Variants in UGT1A10 observed in about 807,000 individuals in gnomAD.
The protein encoded by UGT1A10 is UDP glucuronosyltransferase family 1 member A10.
UGT1A10 carries 49 observed loss-of-function variants against 45.8 expected under a neutral mutation model. The observed-to-expected ratio is 1.07, with a 90% CI of 0.85 to 1.36. The LOEUF is 1.36. Ranked by LOEUF, UGT1A10 falls within the 40% of genes most tolerant of loss-of-function variation. The pLI, the probability that UGT1A10 is intolerant of heterozygous loss-of-function variation, is 0.00. For missense variants in UGT1A10, 745 were observed against 668.6 expected, an observed-to-expected ratio of 1.11 and a Z score of -1.26; for synonymous variants, 284 against 249.7, an observed-to-expected ratio of 1.14 and a Z score of -1.29.
chr2:233,641,559 T>A (rs1201445364), intron 1 of UGT1A10, among the ~76,000 whole-genome samples: 3 of 152,240 alleles, frequency 2.0e-5, no homozygotes, highest in Non-Finnish European at 4.4e-5. Flanking sequence ...GTTACAATGT[T>A]ATAATATTCT....
intron 1 of UGT1A10, among the ~76,000 whole-genome samples, chr2:233,687,844 G>C (rs925197846): frequency 2.0e-5 from 3 of 152,152 alleles, no homozygotes; most frequent in Admixed American, 6.5e-5. Context: ...GGAGGTTAAG[G>C]CTGCAGTAAG....
intron 1 of UGT1A10, among the ~76,000 whole-genome samples, chr2:233,749,509 A>G (rs912225239): frequency 2.6e-5 from 4 of 151,940 alleles, no homozygotes; most frequent in African/African-American, 7.3e-5. Context: ...GAATTAGAGA[A>G]CACTAGCAAG....
At chr2:233,711,329 A>G (rs1022297235) in intron 1 of UGT1A10, among the ~76,000 whole-genome samples, 2 of 152,214 alleles carry the variant, frequency 1.3e-5, no homozygotes, top group African/African-American at 4.8e-5. Context: ...ACAAAACACC[A>G]CTGCATGGAG....
chr2:233,733,189 C>T (rs2078364598), intron 1 of UGT1A10, among the ~76,000 whole-genome samples: 1 of 152,198 alleles, frequency 6.6e-6, no homozygotes, highest in African/African-American at 2.4e-5. Context: ...AGTTGCTTAT[C>T]AGCTTAAGGA....
intron 1 of UGT1A10, chr2:233,719,818 A>G: frequency 6.3e-7 from 1 of 1,577,544 alleles, no homozygotes; most frequent in Non-Finnish European, 8.6e-7. Flanking sequence ...ATAACAGATA[A>G]ACTGTTGAGG....
chr2:233,647,054 C>T (rs2073624214), intron 1 of UGT1A10, among the ~76,000 whole-genome samples: 1 of 152,174 alleles, frequency 6.6e-6, no homozygotes, highest in African/African-American at 2.4e-5. Context: ...TCACATCCTC[C>T]ATGGATGGCA....
At chr2:233,661,807 T>C (rs2073977232) in intron 1 of UGT1A10, among the ~76,000 whole-genome samples, 1 of 151,948 alleles carries the variant, frequency 6.6e-6, no homozygotes, top group Non-Finnish European at 1.5e-5. Context: ...TGAATTTCTC[T>C]GCTTCATGGG....
At chr2:233,651,482 G>T (rs1454572522) in intron 1 of UGT1A10, among the ~76,000 whole-genome samples, 1 of 152,140 alleles carries the variant, frequency 6.6e-6, no homozygotes, top group Non-Finnish European at 1.5e-5. Flanking sequence ...AGGTTTTATA[G>T]AAGTGGAAAG....
chr2:233,679,139 C>A (rs1364113053), intron 1 of UGT1A10, among the ~76,000 whole-genome samples: 2 of 152,110 alleles, frequency 1.3e-5, no homozygotes, highest in African/African-American at 4.8e-5. Context: ...GATTGAGAGA[C>A]TGAATTAGAG....
chr2:233,760,535 T>G (rs1425697704), intron 1 of UGT1A10: 1 of 1,614,120 alleles, frequency 6.2e-7, no homozygotes, highest in African/African-American at 1.3e-5. Context: ...CCTGTGCCAT[T>G]CCAAAGGGAG....
chr2:233,767,305 GT>G (rs1444114295), intron 2 of UGT1A10, 140 bp downstream of exon 2: 24 of 1,519,088 alleles, frequency 1.6e-5, no homozygotes, highest in Middle Eastern at 1.8e-4. Context: ...TAATCCAAAG[GT>G]TTTTTTTGTT....
chr2:233,759,820 G>A (rs554010923), intron 1 of UGT1A10, among the ~76,000 whole-genome samples: 9 of 152,316 alleles, frequency 5.9e-5, no homozygotes, highest in East Asian at 1.9e-4. Context: ...AGTACCGGGG[G>A]AGCTGTGGAG....
At chr2:233,672,022 G>C in intron 1 of UGT1A10, 1 of 1,614,160 alleles carries the variant, frequency 6.2e-7, no homozygotes, top group Admixed American at 1.7e-5. Context: ...GAAGCTACTG[G>C]TAGTGCCCAT....
intron 1 of UGT1A10, among the ~76,000 whole-genome samples, chr2:233,677,897 T>G (rs1344227462): frequency 6.6e-6 from 1 of 151,960 alleles, no homozygotes; most frequent in Admixed American, 6.6e-5. Flanking sequence ...CTATTCAGAA[T>G]AGAAAAGACA....
rs932352286 is a variant in UGT1A10, at chr2:233,700,062, G to T, written c.855+62685G>T. Among the ~76,000 whole-genome samples the T allele has an allele frequency of 5.3e-5, 8 of 152,146 alleles. 1 individual carries two copies. Among genetic ancestry groups the T allele is most frequent in the Non-Finnish European group, 8.8e-5 (6 of 68,028 alleles). On this transcript the variant is annotated intron_variant, in intron 1 of 4. Coordinates refer to ENST00000344644, the MANE Select transcript of UGT1A10 (RefSeq NM_019075.4). ...AAATCAATTCCAAGTGAATCCAGTGGTGTCTACCCAGCAAGGCCCCCAGCC... is the reference window on the plus strand; with the variant it reads ...AAATCAATTCCAAGTGAATCCAGTGTTGTCTACCCAGCAAGGCCCCCAGCC...
At chr2:233,760,155 C>A (rs2125979369) in intron 1 of UGT1A10, 1 of 1,487,916 alleles carries the variant, frequency 6.7e-7, no homozygotes, top group South Asian at 1.3e-5. Flanking sequence ...GAACTCCCTG[C>A]TACCTTTGTG....
At chr2:233,713,441 A>G in intron 1 of UGT1A10, 1 of 1,614,120 alleles carries the variant, frequency 6.2e-7, no homozygotes, top group Non-Finnish European at 8.5e-7. Flanking sequence ...ATGTGGTTCT[A>G]ACAGACCCCT....
intron 1 of UGT1A10, among the ~76,000 whole-genome samples, chr2:233,757,238 GT>G (rs1696448316): frequency 6.7e-6 from 1 of 149,106 alleles, no homozygotes; most frequent in Admixed American, 6.7e-5. Context: ...AGAAGTGGTG[GT>G]GAGGTGGGGT....
chr2:233,654,225 C>T (rs926130057), intron 1 of UGT1A10, among the ~76,000 whole-genome samples: 4 of 152,098 alleles, frequency 2.6e-5, no homozygotes, highest in African/African-American at 9.7e-5. Context: ...TCCAAATTAA[C>T]CTATTCTGTG....
Sources: allele counts gnomAD v4.1 joint callset (sites outside exome capture counted in the v4.1 genomes callset), GRCh38; gene constraint gnomAD v4.1.1; transcripts MANE v1.5; gene names NCBI Gene and HGNC (gene_info 2026-07-23, HGNC 2026-07-21).